Variants in ST6GALNAC5 observed in about 807,000 individuals in gnomAD.
ST6GALNAC5 encodes ST6 N-acetylgalactosaminide alpha-2,6-sialyltransferase 5.
In ST6GALNAC5, 27 loss-of-function variants were observed where a neutral mutation model predicts 33.6. The ratio of observed to expected loss-of-function variants is 0.80; its 90% CI spans 0.59 to 1.11. The LOEUF (loss-of-function observed/expected upper bound fraction) is 1.11, where lower values mean the gene tolerates loss of function less well. Ranked by LOEUF, ST6GALNAC5 falls within the 50% of genes least tolerant of loss-of-function variation. ST6GALNAC5 has a pLI of 0.00. For synonymous variants in ST6GALNAC5, 194 were observed against 171.2 expected (o/e 1.13, Z -1.04); for missense variants, 428 against 454.0 (o/e 0.94, Z 0.52).
intron 3 of ST6GALNAC5, among the ~76,000 whole-genome samples, chr1:77,045,590 TAAGGAA>T (rs959308958): frequency 4.6e-5 from 7 of 152,130 alleles, no homozygotes; most frequent in African/African-American, 1.7e-4. Context: ...GTCTGGGAGA[TAAGGAA>T]AATGCTTTCT....
At chr1:76,963,189 T>C (rs1648314678) in intron 2 of ST6GALNAC5, among the ~76,000 whole-genome samples, 1 of 152,204 alleles carries the variant, frequency 6.6e-6, no homozygotes, top group African/African-American at 2.4e-5. Flanking sequence ...TAGAAGTTAT[T>C]GAAATACTTA....
At chr1:76,918,251 A>C (rs959242787) in intron 2 of ST6GALNAC5, among the ~76,000 whole-genome samples, 3 of 152,146 alleles carry the variant, frequency 2.0e-5, no homozygotes, top group African/African-American at 7.2e-5. Flanking sequence ...GGAAAAGAAG[A>C]GATCTCTAAT....
intron 2 of ST6GALNAC5, among the ~76,000 whole-genome samples, chr1:76,924,704 A>G (rs1034121151): frequency 1.5e-4 from 23 of 152,270 alleles, no homozygotes; most frequent in Middle Eastern, 3.4e-3. Flanking sequence ...TATGAGCTCA[A>G]ACACCTAGGG....
At chr1:76,987,002 A>T (rs1481341004) in intron 2 of ST6GALNAC5, among the ~76,000 whole-genome samples, 3 of 152,148 alleles carry the variant, frequency 2.0e-5, no homozygotes, top group African/African-American at 7.2e-5. Flanking sequence ...GGAACATCAC[A>T]CACTGGGGCC....
At chr1:76,956,734 G>A (rs1648008302) in intron 2 of ST6GALNAC5, among the ~76,000 whole-genome samples, 1 of 152,100 alleles carries the variant, frequency 6.6e-6, no homozygotes, top group Non-Finnish European at 1.5e-5. Context: ...TCCATGACCT[G>A]CCAATACAAC....
chr1:76,910,185 A>G (rs1212375172), intron 2 of ST6GALNAC5, among the ~76,000 whole-genome samples: 1 of 151,974 alleles, frequency 6.6e-6, no homozygotes, highest in Non-Finnish European at 1.5e-5. Context: ...CTATTCTTGT[A>G]TGGGTTTGTC....
At chr1:76,910,323 C>T (rs1297755106) in intron 2 of ST6GALNAC5, among the ~76,000 whole-genome samples, 1 of 151,442 alleles carries the variant, frequency 6.6e-6, no homozygotes, top group African/African-American at 2.4e-5. Flanking sequence ...AATTAGAAAA[C>T]GCGGGTGGTG....
intron 2 of ST6GALNAC5, among the ~76,000 whole-genome samples, chr1:76,871,832 T>G (rs1045778193): frequency 1.3e-5 from 2 of 152,184 alleles, no homozygotes; most frequent in Admixed American, 6.5e-5. Context: ...AGTCTTTCTC[T>G]TCTTTCCCAA....
intron 2 of ST6GALNAC5, among the ~76,000 whole-genome samples, chr1:76,873,407 G>C (rs1237982904): frequency 6.6e-6 from 1 of 152,124 alleles, no homozygotes; most frequent in Non-Finnish European, 1.5e-5. Flanking sequence ...TAAGTACTGT[G>C]ACAGCAATGT....
At chr1:76,929,846 C>T (rs938586928) in intron 2 of ST6GALNAC5, among the ~76,000 whole-genome samples, 13 of 152,008 alleles carry the variant, frequency 8.6e-5, no homozygotes, top group African/African-American at 3.1e-4. Flanking sequence ...AGTAGGGGCT[C>T]ATGCCTGTAA....
At chr1:76,923,824 T>C (rs1005326568) in intron 2 of ST6GALNAC5, among the ~76,000 whole-genome samples, 1 of 152,208 alleles carries the variant, frequency 6.6e-6, no homozygotes, top group African/African-American at 2.4e-5. Flanking sequence ...TCTCAAGATA[T>C]GATGACTTCA....
intron 2 of ST6GALNAC5, among the ~76,000 whole-genome samples, chr1:77,027,057 A>T (rs923054641): frequency 1.3e-5 from 2 of 152,158 alleles, no homozygotes; most frequent in Non-Finnish European, 2.9e-5. Flanking sequence ...CTTCACCTCC[A>T]CTCCAAAGAC....
At chr1:76,911,328 T>C (rs1196810089) in intron 2 of ST6GALNAC5, among the ~76,000 whole-genome samples, 1 of 152,202 alleles carries the variant, frequency 6.6e-6, no homozygotes, top group Admixed American at 6.6e-5. Context: ...TTTGATGTGC[T>C]GCTGGATTTG....
chr1:76,999,213 G>A (rs1650050132), intron 2 of ST6GALNAC5, among the ~76,000 whole-genome samples: 1 of 152,154 alleles, frequency 6.6e-6, no homozygotes, highest in Non-Finnish European at 1.5e-5. Flanking sequence ...TGTTTTATCT[G>A]AAATCTGGCC....
At chr1:77,027,422 GC>G (rs1319664632) in intron 2 of ST6GALNAC5, among the ~76,000 whole-genome samples, 1 of 152,124 alleles carries the variant, frequency 6.6e-6, no homozygotes, top group East Asian at 1.9e-4. Flanking sequence ...ACTGTGCCAA[GC>G]TCTGTAAATA....
chr1:76,986,555 C>G (rs1649504955), intron 2 of ST6GALNAC5, among the ~76,000 whole-genome samples: 1 of 152,176 alleles, frequency 6.6e-6, no homozygotes, highest in Non-Finnish European at 1.5e-5. Context: ...CACTTTTACA[C>G]TGTTGGTGGG....
intron 2 of ST6GALNAC5, among the ~76,000 whole-genome samples, chr1:76,917,295 T>G (rs1330767871): frequency 6.6e-6 from 1 of 152,098 alleles, no homozygotes; most frequent in Admixed American, 6.6e-5. Flanking sequence ...CAAAAAAACA[T>G]AGAGTAAGAT....
At chr1:76,934,622 A>G (rs538304772) in intron 2 of ST6GALNAC5, among the ~76,000 whole-genome samples, 1 of 152,138 alleles carries the variant, frequency 6.6e-6, no homozygotes, top group Non-Finnish European at 1.5e-5. Context: ...GACAGCTGCG[A>G]AGTTCCTGCT....
chr1:76,925,198 A>G (rs1343029323), intron 2 of ST6GALNAC5, among the ~76,000 whole-genome samples: 1 of 152,126 alleles, frequency 6.6e-6, no homozygotes, highest in African/African-American at 2.4e-5. Flanking sequence ...GGATGGTGTT[A>G]AGCCACTCAT....
Sources: allele counts gnomAD v4.1 joint callset (sites outside exome capture counted in the v4.1 genomes callset), GRCh38; gene constraint gnomAD v4.1.1; transcripts MANE v1.5; gene names NCBI Gene and HGNC (gene_info 2026-07-23, HGNC 2026-07-21).